Variants in ATP8B4 observed in about 807,000 individuals in gnomAD.
ATP8B4 encodes the protein ATPase phospholipid transporting 8B4 (putative).
A neutral mutation model predicts 145.6 loss-of-function variants in ATP8B4; 133 were observed. The ratio of observed to expected loss-of-function variants is 0.91; its 90% confidence interval spans 0.79 to 1.05. ATP8B4 has a LOEUF of 1.05. ATP8B4 is among the 50% of genes least tolerant of loss of function. ATP8B4 has a pLI of 0.00. For missense variants in ATP8B4, 1,458 were observed against 1,425.2 expected (o/e 1.02, Z -0.37); for synonymous variants, 507 against 492.9 (o/e 1.03, Z -0.38).
At chr15:50,172,271 T>G (rs905620833) in intron 1 of ATP8B4, among the ~76,000 whole-genome samples, 1 of 152,210 alleles carries the variant, frequency 6.6e-6, no homozygotes, top group East Asian at 1.9e-4. Flanking sequence ...GCCTGCCGAG[T>G]GCCTGGGATT....
At chr15:50,003,793 C>G (rs1392881988) in intron 7 of ATP8B4, among the ~76,000 whole-genome samples, 1 of 152,104 alleles carries the variant, frequency 6.6e-6, no homozygotes, top group Non-Finnish European at 1.5e-5. Context: ...CTTTGAAACT[C>G]GAATCCAGTG....
Position 49,876,270 on chromosome 15 carries a change from A to G in ATP8B4, c.3027+8T>C, listed in dbSNP as rs2034405485. 1 of 1,612,636 alleles carries G rather than the reference A, an allele frequency of 6.2e-7. No homozygotes were observed. The highest frequency in any genetic ancestry group is 1.1e-5 in the South Asian group (1 of 90,946). Reference sequence around the variant, plus strand: ...ATCAAGTTAAGGTGCTTACACCGACAGCGTTACCTGCACACTGACCACAAT... The same window carrying G: ...ATCAAGTTAAGGTGCTTACACCGACGGCGTTACCTGCACACTGACCACAAT... On this transcript the variant is annotated splice_region_variant and intron_variant, in intron 25 of 27. Transcript: ENST00000284509.
At chr15:49,981,045 A>G (rs1212273326) in intron 11 of ATP8B4, among the ~76,000 whole-genome samples, 161 bp downstream of exon 11, 1 of 152,238 alleles carries the variant, frequency 6.6e-6, no homozygotes, top group Non-Finnish European at 1.5e-5. Flanking sequence ...AAATTAGCAT[A>G]ATCTAGAAAA....
chr15:50,168,577 T>A (rs1048893464), intron 1 of ATP8B4, among the ~76,000 whole-genome samples: 1 of 151,750 alleles, frequency 6.6e-6, no homozygotes, highest in South Asian at 2.1e-4. Context: ...ACCAAAGAGA[T>A]CCATCAGGAG....
intron 1 of ATP8B4, among the ~76,000 whole-genome samples, chr15:50,113,897 T>C (rs2153673460): frequency 7.0e-6 from 1 of 143,096 alleles, no homozygotes; most frequent in African/African-American, 2.6e-5. Context: ...CAACTACAGG[T>C]ATATGCAATT....
Position 49,977,679 on chromosome 15 carries a change from T to C in ATP8B4, c.1034+1938A>G, listed in dbSNP as rs550940827. ...AAGTATTCAGAGTTTTAAGGTATCA[T>C]ATTTTATGGTATATTATAGAACATC... On this transcript the variant is annotated intron_variant, in intron 12 of 27. Coordinates refer to ENST00000284509, the MANE Select transcript of ATP8B4 (RefSeq NM_024837.4). Among the ~76,000 whole-genome samples, 5 of 152,270 alleles carry C rather than the reference T, an allele frequency of 3.3e-5. No homozygotes were observed. The South Asian group carries it at 1.0e-3, about 32-fold the overall frequency.
At chr15:50,172,900 C>G (rs1324856937) in intron 1 of ATP8B4, among the ~76,000 whole-genome samples, 2 of 144,620 alleles carry the variant, frequency 1.4e-5, no homozygotes, top group Non-Finnish European at 1.5e-5. Context: ...GGAGCCCCTC[C>G]GTCCGGCAGC....
chr15:50,089,995 A>G (rs925712099), intron 2 of ATP8B4, among the ~76,000 whole-genome samples: 8 of 152,232 alleles, frequency 5.3e-5, no homozygotes, highest in Admixed American at 5.2e-4. Flanking sequence ...GGATAAAGAA[A>G]ATGTGGTACA....
rs1418695973 is a variant in ATP8B4, at chr15:50,073,013, TATATATACACACACACACACAC to T, written c.87+1092_87+1113del. On this transcript the variant is annotated intron_variant, in intron 3 of 27. Transcript: ENST00000284509. ...ATATATATATATATATATATATATA[TATATATACACACACACACACAC>T]ACACACACACACACACACTATACAT... 1.4e-3 allele frequency among the ~76,000 whole-genome samples: 58 copies of T among 40,594 alleles called. 1 individual carries two copies. The highest frequency in any genetic ancestry group is 0.013 in the East Asian group (14 of 1,084). 26.6% of individuals were successfully genotyped at this position (40,594 alleles called of 152,430 possible). A position where few individuals can be genotyped will look rare whatever the true frequency, so the allele number is the denominator to read the frequency against.
intron 1 of ATP8B4, among the ~76,000 whole-genome samples, chr15:50,166,435 G>A (rs1202010798): frequency 6.6e-6 from 1 of 152,202 alleles, no homozygotes; most frequent in African/African-American, 2.4e-5. Flanking sequence ...TCATCAGAGA[G>A]AATAATATCT....
At chr15:50,124,189 T>C (rs2057292474), upstream of ATP8B4, among the ~76,000 whole-genome samples, 1 of 152,216 alleles carries the variant, frequency 6.6e-6, no homozygotes, top group African/African-American at 2.4e-5. Flanking sequence ...TAGTTTCATT[T>C]ATTATCTGGC....
chr15:49,924,091 C>T (rs2040496411), intron 16 of ATP8B4, among the ~76,000 whole-genome samples: 1 of 152,026 alleles, frequency 6.6e-6, no homozygotes, highest in Non-Finnish European at 1.5e-5. Flanking sequence ...AATAAAGTTT[C>T]CACCTCATTC....
intron 5 of ATP8B4, 91 bp from the exon 6 acceptor site, chr15:50,038,920 T>G: frequency 9.1e-7 from 1 of 1,101,726 alleles, no homozygotes; most frequent in Middle Eastern, 2.0e-4. Flanking sequence ...GTTCATCCAT[T>G]TAAACTGTGT....
chr15:49,887,058 CCTTGA>C (rs1374137184), intron 23 of ATP8B4, among the ~76,000 whole-genome samples: 1 of 152,102 alleles, frequency 6.6e-6, no homozygotes, highest in Non-Finnish European at 1.5e-5. Context: ...GATCCACCTG[CCTTGA>C]CCTCCCAAAG....
intron 18 of ATP8B4, 120 bp from the exon 19 acceptor site, chr15:49,919,070 A>T (rs2040012983): frequency 1.4e-6 from 1 of 706,506 alleles, no homozygotes; most frequent in Non-Finnish European, 2.3e-6. Flanking sequence ...AGAAATTATG[A>T]TACATTGATA....
chr15:49,874,858 A>G (rs2034162282), intron 25 of ATP8B4, among the ~76,000 whole-genome samples: 1 of 152,204 alleles, frequency 6.6e-6, no homozygotes, highest in Non-Finnish European at 1.5e-5. Context: ...TGATTTCAAC[A>G]TTCAACTGGA....
At chr15:50,091,071 T>C (rs904236458) in intron 2 of ATP8B4, among the ~76,000 whole-genome samples, 3 of 152,174 alleles carry the variant, frequency 2.0e-5, no homozygotes, top group African/African-American at 7.2e-5. Flanking sequence ...CCTCACATGC[T>C]TTAAGATTTC....
At chr15:50,177,155 G>A (rs1567420745) in intron 1 of ATP8B4, among the ~76,000 whole-genome samples, 1 of 152,160 alleles carries the variant, frequency 6.6e-6, no homozygotes, top group Non-Finnish European at 1.5e-5. Flanking sequence ...ATTTCTATTT[G>A]TACCAAGTAT....
chr15:49,878,169 C>T (rs1256121418), intron 24 of ATP8B4, among the ~76,000 whole-genome samples: 2 of 152,110 alleles, frequency 1.3e-5, no homozygotes, highest in Non-Finnish European at 2.9e-5. Context: ...CCAGAAACTG[C>T]TTTATTTTTA....
Sources: allele counts gnomAD v4.1 joint callset (sites outside exome capture counted in the v4.1 genomes callset), GRCh38; gene constraint gnomAD v4.1.1; transcripts MANE v1.5; gene names NCBI Gene and HGNC (gene_info 2026-07-23, HGNC 2026-07-21).